NLGN4X: variants seen among roughly 807,000 people sequenced by gnomAD.
NLGN4X encodes neuroligin-4, X-linked.
NLGN4X carries 3 observed loss-of-function variants against 40.3 expected under a neutral mutation model. The observed-to-expected ratio is 0.07, with a 90% CI of 0.03 to 0.19. The LOEUF is 0.19. Ranked by LOEUF, NLGN4X falls within the 10% of genes least tolerant of loss-of-function variation. NLGN4X has a pLI of 1.00. For missense variants in NLGN4X, 382 were observed against 708.3 expected (o/e 0.54, Z 5.23); for synonymous variants, 270 against 306.8 (o/e 0.88, Z 1.25).
intron 2 of NLGN4X, chrX:6,032,864 G>T: frequency 7.3e-6 from 3 of 409,310 alleles, no homozygotes; most frequent in South Asian, 7.5e-5. Context: ...AAAAAGAAAA[G>T]AATGTAACAC....
chrX:6,094,298 T>G (rs1047928291), intron 2 of NLGN4X, among the ~76,000 whole-genome samples: 1 of 110,034 alleles, frequency 9.1e-6, no homozygotes, highest in Non-Finnish European at 1.9e-5. Flanking sequence ...CAGAAGAAAC[T>G]AAACAGAAAG....
intron 3 of NLGN4X, among the ~76,000 whole-genome samples, chrX:5,989,495 A>C (rs1374663743): frequency 8.9e-6 from 1 of 112,270 alleles, no homozygotes; most frequent in East Asian, 2.8e-4. Context: ...CACTAGTTTT[A>C]CTTCTTAAAG....
At position 5,892,873 on chromosome X, in the gene NLGN4X, T is replaced by C; in HGVS notation, c.2395A>G (p.Ser799Gly). The C allele has an allele frequency of 8.3e-7, 1 of 1,211,515 alleles. No homozygotes were observed. Among genetic ancestry groups the C allele is most frequent in the Non-Finnish European group, 1.1e-6 (1 of 895,430 alleles). Reference sequence around the variant, plus strand: ...AAATTTGTACTGTTTTGTCCTCCACTGAAGGTGTTAAAAGTGTGCAAAGGC... The same window carrying C: ...AAATTTGTACTGTTTTGTCCTCCACCGAAGGTGTTAAAAGTGTGCAAAGGC... ...MQPLHTFNTF[S>G]GGQNSTNLPH... The change falls in exon 6 of 6, where the codon AGT (serine) becomes GGT (glycine). Residue 799 changes from serine to glycine, a missense_variant. Ser to Gly is a moderately conservative substitution (Grantham distance 56). Coordinates refer to ENST00000381095, the MANE Select transcript of NLGN4X (RefSeq NM_181332.3).
At chrX:5,923,378 C>T (rs993655203) in intron 3 of NLGN4X, among the ~76,000 whole-genome samples, 1 of 112,513 alleles carries the variant, frequency 8.9e-6, no homozygotes, top group Non-Finnish European at 1.9e-5. Flanking sequence ...AAAGCTCAAG[C>T]GATCTGCCTG....
At chrX:6,072,397 A>T (rs2038087008) in intron 2 of NLGN4X, among the ~76,000 whole-genome samples, 1 of 111,153 alleles carries the variant, frequency 9.0e-6, no homozygotes, top group Non-Finnish European at 1.9e-5. Flanking sequence ...TACGTGATAG[A>T]ACAGTGGGCC....
intron 1 of NLGN4X, among the ~76,000 whole-genome samples, chrX:6,209,061 G>A (rs774983744): frequency 1.8e-5 from 2 of 112,071 alleles, no homozygotes; most frequent in African/African-American, 3.2e-5. Flanking sequence ...TAAAAAGAAC[G>A]AAACTATCTC....
intron 2 of NLGN4X, among the ~76,000 whole-genome samples, chrX:6,045,941 A>T (rs1425537335): frequency 8.9e-6 from 1 of 111,892 alleles, no homozygotes; most frequent in Non-Finnish European, 1.9e-5. Flanking sequence ...CTATCCAACA[A>T]GAGAAAGAGA....
chrX:6,219,136 C>T (rs1276003675), intron 1 of NLGN4X, among the ~76,000 whole-genome samples: 4 of 91,109 alleles, frequency 4.4e-5, no homozygotes, highest in African/African-American at 1.5e-4. Context: ...TACATATATA[C>T]GTATATATAT....
chrX:6,141,164 C>T (rs2039940811), intron 2 of NLGN4X, among the ~76,000 whole-genome samples: 1 of 111,246 alleles, frequency 9.0e-6, no homozygotes, highest in Admixed American at 9.6e-5. Flanking sequence ...TGCAGTTTGG[C>T]TGTGACTGCA....
chrX:6,225,681 C>CTT (rs1569309354), intron 1 of NLGN4X, among the ~76,000 whole-genome samples: 33 of 33,776 alleles, frequency 9.8e-4, no homozygotes, highest in African/African-American at 1.5e-3. Flanking sequence ...TTTTTTCTTT[C>CTT]TTTTTTTCTT....
chrX:6,195,847 G>A (rs760120726), intron 1 of NLGN4X, among the ~76,000 whole-genome samples: 6 of 110,824 alleles, frequency 5.4e-5, no homozygotes, highest in African/African-American at 2.0e-4. Context: ...GGAATTCAAT[G>A]GCACGATCAC....
At chrX:6,198,550 C>T (rs1923330735) in intron 1 of NLGN4X, among the ~76,000 whole-genome samples, 1 of 111,886 alleles carries the variant, frequency 8.9e-6, no homozygotes, top group African/African-American at 3.3e-5. Context: ...CACCTGATCC[C>T]TCTCCTCAGG....
intron 1 of NLGN4X, among the ~76,000 whole-genome samples, chrX:6,167,881 C>T (rs904913384): frequency 3.6e-5 from 4 of 111,737 alleles, no homozygotes; most frequent in African/African-American, 1.3e-4. Flanking sequence ...GAACCATGGC[C>T]CTTTGAAATC....
chrX:6,191,665 C>T (rs746117441), intron 1 of NLGN4X, among the ~76,000 whole-genome samples: 1 of 111,553 alleles, frequency 9.0e-6, no homozygotes, highest in South Asian at 3.8e-4. Flanking sequence ...TCAAGACCAG[C>T]CTGGCCAACA....
At chrX:5,909,315 T>C in intron 3 of NLGN4X, 76 bp from the exon 4 acceptor site, 2 of 1,082,566 alleles carry the variant, frequency 1.8e-6, no homozygotes, top group Non-Finnish European at 1.3e-6. Flanking sequence ...TGAAAAGATA[T>C]CTCATAGCTT....
intron 3 of NLGN4X, among the ~76,000 whole-genome samples, chrX:5,925,922 A>ACC (rs2033293802): frequency 6.0e-5 from 3 of 49,957 alleles, no homozygotes; most frequent in Non-Finnish European, 1.0e-4. Context: ...ATATATATAT[A>ACC]TATATATATA....
chrX:6,225,689 CTTTTTTTTTTTTTTTT>C (rs749574818), intron 1 of NLGN4X, among the ~76,000 whole-genome samples: 73 of 26,895 alleles, frequency 2.7e-3, no homozygotes, highest in South Asian at 0.013. Flanking sequence ...TTCTTTTTTT[CTTTTTTTTTTTTTTTT>C]TTTTTTTTTT....
At chrX:6,187,637 C>A (rs1262226301) in intron 1 of NLGN4X, 5 of 112,474 alleles carry the variant, frequency 4.4e-5, no homozygotes, top group African/African-American at 1.3e-4. Context: ...CCAAGGCCTT[C>A]TTTTCCTTCT....
intron 2 of NLGN4X, among the ~76,000 whole-genome samples, chrX:6,140,066 CAGAGA>C (rs1365325199): frequency 9.0e-6 from 1 of 111,155 alleles, no homozygotes; most frequent in East Asian, 2.8e-4. Flanking sequence ...TCATAAAAGA[CAGAGA>C]AGAGAGTAGA....
Sources: allele counts gnomAD v4.1 joint callset (sites outside exome capture counted in the v4.1 genomes callset), GRCh38; gene constraint gnomAD v4.1.1; transcripts MANE v1.5; gene names NCBI Gene and HGNC (gene_info 2026-07-23, HGNC 2026-07-21).